Variants in BMPR1B observed in about 807,000 individuals in gnomAD.
BMPR1B encodes the protein bone morphogenetic protein receptor type 1B.
BMPR1B carries 12 observed loss-of-function variants against 59.1 expected under a neutral mutation model. The ratio of observed to expected loss-of-function variants is 0.20; its 90% CI spans 0.13 to 0.33. The LOEUF (loss-of-function observed/expected upper bound fraction) is 0.33, where lower values mean the gene tolerates loss of function less well. BMPR1B is among the 10% of genes least tolerant of loss of function. The pLI is 1.00. For synonymous variants in BMPR1B, 237 were observed against 207.3 expected, an observed-to-expected ratio of 1.14 and a Z score of -1.23; for missense variants, 550 against 610.9, an observed-to-expected ratio of 0.90 and a Z score of 1.05.
chr4:94,907,434 A>G (rs1453453415), intron 2 of BMPR1B, among the ~76,000 whole-genome samples: 1 of 152,078 alleles, frequency 6.6e-6, no homozygotes, highest in Non-Finnish European at 1.5e-5. Context: ...TGTCTGTTCT[A>G]TGTTAGGAGC....
At chr4:94,877,579 T>G (rs1578751738) in intron 2 of BMPR1B, among the ~76,000 whole-genome samples, 1 of 152,222 alleles carries the variant, frequency 6.6e-6, no homozygotes, top group Admixed American at 6.5e-5. Flanking sequence ...ATTTTAGGAT[T>G]AATTTAGATT....
intron 2 of BMPR1B, among the ~76,000 whole-genome samples, chr4:94,994,948 G>T (rs1323178483): frequency 3.3e-5 from 5 of 152,142 alleles, no homozygotes; most frequent in African/African-American, 9.7e-5. Context: ...CAGCCTGGGG[G>T]TTGATTTTCT....
chr4:94,775,325 G>T (rs147142603), intron 1 of BMPR1B, among the ~76,000 whole-genome samples: 1 of 152,172 alleles, frequency 6.6e-6, no homozygotes, highest in Non-Finnish European at 1.5e-5. Flanking sequence ...TGAGGAAAAT[G>T]TACAGTTAAT....
intron 3 of BMPR1B, among the ~76,000 whole-genome samples, chr4:95,090,400 A>G (rs1021521006): frequency 2.6e-5 from 4 of 151,904 alleles, no homozygotes; most frequent in Admixed American, 6.6e-5. Flanking sequence ...CTGTTAGGCA[A>G]AGGTATCTGT....
At chr4:95,008,014 G>A (rs1037197505) in intron 3 of BMPR1B, among the ~76,000 whole-genome samples, 5 of 152,128 alleles carry the variant, frequency 3.3e-5, no homozygotes, top group African/African-American at 4.8e-5. Flanking sequence ...CCTGTATTGA[G>A]CTTGTGCAAC....
At chr4:94,952,063 C>T (rs1263417189) in intron 2 of BMPR1B, among the ~76,000 whole-genome samples, 1 of 152,076 alleles carries the variant, frequency 6.6e-6, no homozygotes, top group Non-Finnish European at 1.5e-5. Context: ...TTATATTATT[C>T]TCTGATGGTA....
At chr4:94,797,033 A>G (rs1016311384) in intron 1 of BMPR1B, among the ~76,000 whole-genome samples, 1 of 152,168 alleles carries the variant, frequency 6.6e-6, no homozygotes, top group Non-Finnish European at 1.5e-5. Flanking sequence ...TGGGAAGAAA[A>G]AGAGGTTTAA....
intron 2 of BMPR1B, among the ~76,000 whole-genome samples, chr4:94,937,620 C>T (rs1186650925): frequency 6.6e-6 from 1 of 152,078 alleles, no homozygotes; most frequent in Non-Finnish European, 1.5e-5. Flanking sequence ...ACGGGCAAGA[C>T]TTAAATACAT....
chr4:94,785,591 A>T (rs555710233), intron 1 of BMPR1B, among the ~76,000 whole-genome samples: 2 of 152,184 alleles, frequency 1.3e-5, no homozygotes, highest in Non-Finnish European at 2.9e-5. Context: ...GAAAAGAAAA[A>T]GATGGGCCCC....
intron 2 of BMPR1B, among the ~76,000 whole-genome samples, chr4:94,878,206 G>A (rs1437104252): frequency 2.0e-5 from 3 of 152,162 alleles, no homozygotes; most frequent in Non-Finnish European, 2.9e-5. Context: ...TTTGTTTCAG[G>A]AGCATAGAGG....
intron 1 of BMPR1B, among the ~76,000 whole-genome samples, chr4:94,763,103 G>A (rs1019062730): frequency 1.3e-5 from 2 of 152,072 alleles, no homozygotes; most frequent in Non-Finnish European, 2.9e-5. Context: ...ATGATTCCTG[G>A]ACTACACTGA....
rs117756045 is a variant in BMPR1B, at chr4:94,834,147, G to A, written c.-182-41684G>A. Among the ~76,000 whole-genome samples, 35 of 152,224 alleles carry A rather than the reference G, an allele frequency of 2.3e-4. No homozygotes were observed. In the East Asian group the frequency reaches 4.8e-3, roughly 21 times the overall value. ...GAGGACTTACATATTGTTGGCTTGAGCTGCTTTCCAAGGCTGTAGAAGGCA... is the reference window on the plus strand; with the variant it reads ...GAGGACTTACATATTGTTGGCTTGAACTGCTTTCCAAGGCTGTAGAAGGCA... On this transcript the variant is annotated intron_variant, in intron 1 of 12. Coordinates refer to ENST00000515059, the MANE Select transcript of BMPR1B (RefSeq NM_001203.3).
intron 3 of BMPR1B, among the ~76,000 whole-genome samples, chr4:95,012,776 A>G (rs1297780246): frequency 6.6e-6 from 1 of 152,128 alleles, no homozygotes. Flanking sequence ...TATATCTTAA[A>G]TAGGCTTTTA....
At chr4:95,010,300 T>C (rs975514773) in intron 3 of BMPR1B, among the ~76,000 whole-genome samples, 1 of 152,190 alleles carries the variant, frequency 6.6e-6, no homozygotes, top group Non-Finnish European at 1.5e-5. Flanking sequence ...TCCATTCCAG[T>C]GCATGGTTGT....
At chr4:94,873,387 C>A (rs947252465) in intron 1 of BMPR1B, among the ~76,000 whole-genome samples, 3 of 151,700 alleles carry the variant, frequency 2.0e-5, no homozygotes, top group African/African-American at 7.3e-5. Flanking sequence ...ACAAATCTTA[C>A]CCATACTTCA....
At chr4:95,024,607 T>C (rs531750380) in intron 3 of BMPR1B, among the ~76,000 whole-genome samples, 1 of 152,290 alleles carries the variant, frequency 6.6e-6, no homozygotes, top group African/African-American at 2.4e-5. Context: ...ATTATGCCAG[T>C]CACAGTATAG....
chr4:94,968,180 A>G (rs1730627590), intron 2 of BMPR1B, among the ~76,000 whole-genome samples: 1 of 152,012 alleles, frequency 6.6e-6, no homozygotes. Flanking sequence ...TGTATGCTTT[A>G]TTTGCTCAGA....
chr4:94,857,560 T>G (rs1022213414), intron 1 of BMPR1B, among the ~76,000 whole-genome samples: 1 of 152,200 alleles, frequency 6.6e-6, no homozygotes, highest in African/African-American at 2.4e-5. Flanking sequence ...TCCGATATAA[T>G]GTACTTTATA....
At chr4:94,885,754 A>G (rs976356353) in intron 2 of BMPR1B, among the ~76,000 whole-genome samples, 4 of 152,194 alleles carry the variant, frequency 2.6e-5, no homozygotes, top group Non-Finnish European at 5.9e-5. Context: ...ATTTAATATA[A>G]TTGTAAAACA....
Sources: gnomAD v4.1 joint callset for allele counts (sites outside exome capture counted in the v4.1 genomes callset) on GRCh38, gnomAD v4.1.1 for gene constraint, MANE v1.5 for transcripts, NCBI Gene and HGNC (gene_info 2026-07-23, HGNC 2026-07-21) for gene names.